The following ADGRE3 variants were observed in gnomAD, a reference collection of about 807,000 sequenced individuals.
ADGRE3 encodes adhesion G protein-coupled receptor E3, also known as EGF-like module receptor 3.
A neutral mutation model predicts 80.1 loss-of-function variants in ADGRE3; 88 were observed. The observed-to-expected ratio is 1.10, with a 90% CI of 0.93 to 1.31. The LOEUF (loss-of-function observed/expected upper bound fraction) is 1.31, where lower values mean the gene tolerates loss of function less well. Ranked by LOEUF, ADGRE3 falls within the 40% of genes most tolerant of loss-of-function variation. ADGRE3 has a pLI of 0.00. For missense variants in ADGRE3, 715 were observed against 776.5 expected (o/e 0.92, Z 0.94); for synonymous variants, 281 against 294.8 (o/e 0.95, Z 0.48).
intron 13 of ADGRE3, among the ~76,000 whole-genome samples, chr19:14,631,299 GCA>G (rs1381544471): frequency 1.1e-4 from 16 of 151,878 alleles, no homozygotes; most frequent in Non-Finnish European, 2.4e-4. Context: ...TTTGATCATT[GCA>G]CATTTTATGC....
chr19:14,665,889 T>C (rs1355783558), intron 2 of ADGRE3, among the ~76,000 whole-genome samples: 1 of 134,394 alleles, frequency 7.4e-6, no homozygotes, highest in African/African-American at 2.7e-5. Context: ...ATATAAGATA[T>C]AAATTATATA....
chr19:14,657,730 C>T (rs1394592202), intron 5 of ADGRE3, among the ~76,000 whole-genome samples: 6 of 67,028 alleles, frequency 9.0e-5, no homozygotes, highest in Non-Finnish European at 1.4e-4. Context: ...CCTATATATA[C>T]ATATATATAT....
intron 10 of ADGRE3, among the ~76,000 whole-genome samples, chr19:14,638,849 G>A (rs1971173006): frequency 6.6e-6 from 1 of 152,030 alleles, no homozygotes; most frequent in Non-Finnish European, 1.5e-5. Flanking sequence ...GTATTGCGTG[G>A]TGACTATAGT....
At chr19:14,665,936 G>GTATATATATGCATACACATATATATATA (rs71166783) in intron 2 of ADGRE3, among the ~76,000 whole-genome samples, 1 of 42,098 alleles carries the variant, frequency 2.4e-5, no homozygotes, top group African/African-American at 1.1e-4. Flanking sequence ...ACACATATGT[G>GTATATATATGCATACACATATATATATA]TATATATATA....
chr19:14,667,583 CAGA>C (rs1348041226), intron 2 of ADGRE3, among the ~76,000 whole-genome samples: 1 of 151,850 alleles, frequency 6.6e-6, no homozygotes, highest in African/African-American at 2.4e-5. Flanking sequence ...AGCAAACTAT[CAGA>C]AGGACAGAAA....
At chr19:14,624,311 C>T (rs984688191) in intron 15 of ADGRE3, among the ~76,000 whole-genome samples, 4 of 152,124 alleles carry the variant, frequency 2.6e-5, no homozygotes, top group Admixed American at 2.6e-4. Flanking sequence ...TCAGGCTGGT[C>T]TCGAACTCCC....
downstream of ADGRE3, among the ~76,000 whole-genome samples, chr19:14,615,803 A>C (rs904202592): frequency 2.0e-5 from 3 of 151,020 alleles, no homozygotes; most frequent in Admixed American, 1.3e-4. Flanking sequence ...TGTGTTGCCC[A>C]ACCTAGAGTG....
chr19:14,671,527 T>G (rs1568503894), intron 1 of ADGRE3, among the ~76,000 whole-genome samples: 1 of 152,182 alleles, frequency 6.6e-6, no homozygotes. Flanking sequence ...AAGATTCTTA[T>G]CTTAATCAAC....
chr19:14,620,569 T>TATATATATATATATA (rs1427819287), intron 15 of ADGRE3, among the ~76,000 whole-genome samples: 5 of 7,560 alleles, frequency 6.6e-4, no homozygotes, highest in African/African-American at 1.1e-3. Flanking sequence ...TATATATATA[T>TATATATATATATATA]TTTTTTTTTT....
At position 14,665,940 on chromosome 19, in the gene ADGRE3, A is replaced by ATATATGCATACATATAT. The variant is rs1424391891; in HGVS notation, c.77-2401_77-2400insATATATGTATGCATATA. 2.3e-4 allele frequency among the ~76,000 whole-genome samples: 20 copies of ATATATGCATACATATAT among 88,400 alleles called. 3 individuals are homozygous for ATATATGCATACATATAT. Among genetic ancestry groups the ATATATGCATACATATAT allele is most frequent in the African/African-American group, 9.1e-4 (19 of 20,814 alleles). The allele number at this position is 88,400 out of a possible 152,430, so 58.0% of individuals were successfully genotyped here. A position where few individuals can be genotyped will look rare whatever the true frequency, so the allele number is the denominator to read the frequency against. ...ATTGCATATACACACATATGTGTAT[A>ATATATGCATACATATAT]TATATATATATATATATATATATAT... On this transcript the variant is annotated intron_variant, in intron 2 of 15. Coordinates refer to ENST00000253673, the MANE Select transcript of ADGRE3 (RefSeq NM_032571.5).
Position 14,636,138 on chromosome 19 carries a change from CTTT to C in ADGRE3, c.1484+1964_1484+1966del, listed in dbSNP as rs1448191651. 3.3e-3 allele frequency among the ~76,000 whole-genome samples: 277 copies of C among 84,302 alleles called. 39 individuals are homozygous for C. The highest frequency in any genetic ancestry group is 0.01 in the Middle Eastern group (2 of 200). 55.3% of individuals were successfully genotyped at this position (84,302 alleles called of 152,430 possible). ...TCTTTCTTTCTTTCTTTCTTTCTTT[CTTT>C]CTTTCTTTCTTCCTTTCCTCCTTTC... On this transcript the variant is annotated intron_variant, in intron 11 of 15. Transcript: ENST00000253673.
chr19:14,610,212 C>G, the ADGRE3 span: 1 of 1,551,438 alleles, frequency 6.4e-7, no homozygotes, highest in Non-Finnish European at 8.7e-7. Flanking sequence ...AGGGCCGAGG[C>G]TGGGGGTCCA....
chr19:14,626,758 C>G (rs1970746822), intron 14 of ADGRE3, among the ~76,000 whole-genome samples: 1 of 152,148 alleles, frequency 6.6e-6, no homozygotes, highest in African/African-American at 2.4e-5. Context: ...GGGGCTCAGC[C>G]CCATTCAGGA....
rs527992736 is a variant in ADGRE3 at position 14,619,295 on chromosome 19, A to C, written c.*138T>G. 9.1e-4 allele frequency: 647 copies of C among 712,552 alleles called. 5 individuals carry two copies. The highest frequency in any genetic ancestry group is 8.0e-3 in the South Asian group (512 of 63,954). The allele number at this position is 712,552 out of a possible 1,614,324, so 44.1% of individuals were successfully genotyped here. ...TGAGAGCCTATTGTGGAGAACAAAC[A>C]GCTTGGGAAGTAAAGGTTGATTACT... On this transcript the variant is annotated 3_prime_UTR_variant, in exon 16 of 16. Coordinates refer to ENST00000253673, the MANE Select transcript of ADGRE3 (RefSeq NM_032571.5).
At chr19:14,617,341 C>CCTCCCTCTCTTTCTTTCTTTCTTT, downstream of ADGRE3, among the ~76,000 whole-genome samples, 167 of 57,264 alleles carry the variant, frequency 2.9e-3, 2 homozygotes, top group Middle Eastern at 8.5e-3. Context: ...TCCCTCCCTC[C>CCTCCCTCTCTTTCTTTCTTTCTTT]CTTTCTTTCT....
chr19:14,605,730 A>G, the ADGRE3 span, among the ~76,000 whole-genome samples: 1 of 151,950 alleles, frequency 6.6e-6, no homozygotes, highest in East Asian at 1.9e-4. Context: ...CTTTTCTTCC[A>G]AAGACCTGGG....
chr19:14,641,511 T>G lies in ADGRE3; in HGVS notation c.1156A>C (p.Asn386His). 6.2e-7 allele frequency: 1 copy of G among 1,613,698 alleles called. No homozygotes were observed. The highest frequency in any genetic ancestry group is 8.5e-7 in the Non-Finnish European group (1 of 1,179,658). Residue 386 changes from asparagine to histidine, a missense_variant, in exon 10 of 16, where the codon AAC becomes CAC. Asn to His is a moderately conservative substitution (Grantham distance 68, BLOSUM62 1). Transcript: ENST00000253673. ...TGCAGATGCAGTGAGGTGCTGGTGT[T>G]CCGGATGGCTTTACACAGGAGAAAA... ...LTFLLCKAIR[N>H]TSTSLHLQLS...
intron 4 of ADGRE3, among the ~76,000 whole-genome samples, chr19:14,660,320 A>G (rs1038542755): frequency 5.3e-5 from 8 of 152,190 alleles, no homozygotes; most frequent in African/African-American, 1.9e-4. Flanking sequence ...AGAGGTGCGC[A>G]TTGCTTAGTA....
Position 14,667,438 on chromosome 19 carries a change from C to T in ADGRE3, c.76+1364G>A, listed in dbSNP as rs558717914. On this transcript the variant is annotated intron_variant, in intron 2 of 15. Coordinates refer to ENST00000253673, the MANE Select transcript of ADGRE3 (RefSeq NM_032571.5). Reference sequence around the variant, plus strand: ...CACAATAGCAAAGACTTGGAAACAACCCAAATGTCCATCAGTGATAGACTG... The same window carrying T: ...CACAATAGCAAAGACTTGGAAACAATCCAAATGTCCATCAGTGATAGACTG... Among the ~76,000 whole-genome samples, 4 of 151,874 alleles carry T rather than the reference C, an allele frequency of 2.6e-5. No individual in the cohort carries two copies. In the South Asian group the frequency reaches 8.3e-4, roughly 32 times the overall value.
Sources: allele counts gnomAD v4.1 joint callset (sites outside exome capture counted in the v4.1 genomes callset), GRCh38; gene constraint gnomAD v4.1.1; transcripts MANE v1.5; gene names NCBI Gene and HGNC (gene_info 2026-07-23, HGNC 2026-07-21).